SORCS1: variants seen among roughly 807,000 people sequenced by gnomAD.
SORCS1 encodes the protein VPS10 domain-containing receptor SorCS1.
In SORCS1, 60 loss-of-function variants were observed where a neutral mutation model predicts 146.1. The observed-to-expected ratio is 0.41, with a 90% CI of 0.33 to 0.51. SORCS1 has a LOEUF of 0.51. Among genes scored for constraint, SORCS1 ranks in the 20% least tolerant of loss-of-function variants. The pLI is 0.21. For synonymous variants in SORCS1, 637 were observed against 584.0 expected, an observed-to-expected ratio of 1.09 and a Z score of -1.31; for missense variants, 1,352 against 1,487.6, an observed-to-expected ratio of 0.91 and a Z score of 1.50.
chr10:106,758,377 T>C (rs912366185), intron 5 of SORCS1, among the ~76,000 whole-genome samples: 1 of 152,188 alleles, frequency 6.6e-6, no homozygotes, highest in African/African-American at 2.4e-5. Flanking sequence ...TATTTTTCAT[T>C]GTTTCTATTG....
At chr10:106,861,127 G>A (rs1949997445) in intron 2 of SORCS1, among the ~76,000 whole-genome samples, 1 of 152,194 alleles carries the variant, frequency 6.6e-6, no homozygotes, top group Admixed American at 6.5e-5. Flanking sequence ...GCCAGGTGCA[G>A]TGGCTCATGC....
At chr10:106,998,295 C>T (rs1408168679) in intron 1 of SORCS1, among the ~76,000 whole-genome samples, 1 of 152,196 alleles carries the variant, frequency 6.6e-6, no homozygotes, top group Non-Finnish European at 1.5e-5. Context: ...GTCAAAATAA[C>T]AGCACTCATA....
chr10:106,807,668 T>C (rs919142549), intron 3 of SORCS1, among the ~76,000 whole-genome samples: 22 of 152,256 alleles, frequency 1.4e-4, no homozygotes, highest in African/African-American at 5.1e-4. Context: ...TGCAAGTAAT[T>C]GCATTCCACC....
the SORCS1 span, among the ~76,000 whole-genome samples, chr10:107,173,776 G>A: frequency 6.6e-6 from 1 of 152,116 alleles, no homozygotes; most frequent in Non-Finnish European, 1.5e-5. Context: ...AATGAACTCA[G>A]CACCATTAAT....
chr10:106,643,013 G>T (rs537060790), intron 18 of SORCS1, among the ~76,000 whole-genome samples: 46 of 152,306 alleles, frequency 3.0e-4, no homozygotes, highest in Middle Eastern at 3.4e-3. Context: ...CCAGCCGTGG[G>T]TTTCTACAGA....
At chr10:107,004,517 G>A (rs190961924) in intron 1 of SORCS1, among the ~76,000 whole-genome samples, 4 of 152,192 alleles carry the variant, frequency 2.6e-5, no homozygotes, top group Admixed American at 1.3e-4. Flanking sequence ...ACAAGATCTC[G>A]AGACTTATTC....
intron 1 of SORCS1, among the ~76,000 whole-genome samples, chr10:107,147,328 T>C (rs1361547183): frequency 6.6e-6 from 1 of 152,202 alleles, no homozygotes; most frequent in Non-Finnish European, 1.5e-5. Context: ...AGCAGGAAGC[T>C]ATTTTCTCCC....
rs1424917035 is a variant in SORCS1, at chr10:106,849,575, C to T, written c.627-19902G>A. 1.8e-3 allele frequency among the ~76,000 whole-genome samples: 272 copies of T among 151,452 alleles called. 1 individual carries two copies. The highest frequency in any genetic ancestry group is 6.0e-3 in the African/African-American group (247 of 41,156). On this transcript the variant is annotated intron_variant, in intron 2 of 25. Coordinates refer to ENST00000263054, the MANE Select transcript of SORCS1 (RefSeq NM_052918.5). ...AGTAATTTGATCGTCTGAAGCCTTC[C>T]TCTCTCAGCTCGTCAAAATCATTCT...
intron 2 of SORCS1, among the ~76,000 whole-genome samples, chr10:106,908,233 T>A (rs1290812668): frequency 6.6e-6 from 1 of 152,198 alleles, no homozygotes; most frequent in Non-Finnish European, 1.5e-5. Flanking sequence ...GGGTAACAGT[T>A]CCACGGGTTA....
At chr10:106,790,250 C>T (rs543386561) in intron 3 of SORCS1, among the ~76,000 whole-genome samples, 1 of 152,206 alleles carries the variant, frequency 6.6e-6, no homozygotes, top group Admixed American at 6.5e-5. Context: ...GACTTAATTC[C>T]TTCAATTTGT....
chr10:106,978,492 A>C (rs1956125848), intron 1 of SORCS1, among the ~76,000 whole-genome samples: 1 of 152,144 alleles, frequency 6.6e-6, no homozygotes, highest in Non-Finnish European at 1.5e-5. Flanking sequence ...GCAAGTATTA[A>C]AGTTTTTCTT....
intron 5 of SORCS1, among the ~76,000 whole-genome samples, chr10:106,736,783 C>T (rs1856978577): frequency 6.6e-6 from 1 of 152,164 alleles, no homozygotes; most frequent in East Asian, 1.9e-4. Flanking sequence ...CTGCTTTCTG[C>T]TTTTATTCCT....
rs189412575 is a variant in SORCS1, at chr10:106,979,778, C to A, written c.559-23198G>T. Among the ~76,000 whole-genome samples the A allele has an allele frequency of 7.9e-5, 12 of 152,258 alleles. No homozygotes were observed. The East Asian group carries it at 2.1e-3, about 27-fold the overall frequency. ...TTGTTTAGGCTGATTTCAATGAATA[C>A]GCTATGGAGTCAGACTGCCAGGCTG... On this transcript the variant is annotated intron_variant, in intron 1 of 25. Coordinates refer to ENST00000263054, the MANE Select transcript of SORCS1 (RefSeq NM_052918.5).
intron 1 of SORCS1, among the ~76,000 whole-genome samples, chr10:107,081,788 TC>T: frequency 6.6e-6 from 1 of 152,194 alleles, no homozygotes; most frequent in Non-Finnish European, 1.5e-5. Context: ...AATTGGCCCT[TC>T]CTCTGGCTAT....
At chr10:107,086,328 T>C (rs1164733427) in intron 1 of SORCS1, among the ~76,000 whole-genome samples, 1 of 152,240 alleles carries the variant, frequency 6.6e-6, no homozygotes. Context: ...TGGATTATTT[T>C]GGGAGGTTGG....
chr10:107,111,246 T>C (rs1192754814), intron 1 of SORCS1, among the ~76,000 whole-genome samples: 1 of 152,100 alleles, frequency 6.6e-6, no homozygotes, highest in African/African-American at 2.4e-5. Context: ...TCTACAAATT[T>C]CCTTAAAAAA....
chr10:107,031,498 T>G (rs1371088893), intron 1 of SORCS1, among the ~76,000 whole-genome samples: 1 of 152,160 alleles, frequency 6.6e-6, no homozygotes, highest in East Asian at 1.9e-4. Context: ...CCATTCTTAT[T>G]GAAAAAGACT....
At position 106,722,134 on chromosome 10, in the gene SORCS1, C is replaced by CACAT. The variant is rs1158971033; in HGVS notation, c.1024+7915_1024+7916insATGT. 2.4e-3 allele frequency among the ~76,000 whole-genome samples: 357 copies of CACAT among 151,524 alleles called. 3 individuals carry two copies. Among genetic ancestry groups the CACAT allele is most frequent in the African/African-American group, 8.3e-3 (345 of 41,318 alleles). ...AAATATATAAATACACACACACACA[C>CACAT]ACACACACACACACATATATATATA... On this transcript the variant is annotated intron_variant, in intron 6 of 25. Transcript: ENST00000263054.
At chr10:106,848,747 T>C (rs1319386211) in intron 2 of SORCS1, among the ~76,000 whole-genome samples, 20 of 144,160 alleles carry the variant, frequency 1.4e-4, no homozygotes, top group Non-Finnish European at 1.5e-4. Context: ...CCATGTTTAG[T>C]GCTTCCTTCA....
Sources: gnomAD v4.1 joint callset for allele counts (sites outside exome capture counted in the v4.1 genomes callset) on GRCh38, gnomAD v4.1.1 for gene constraint, MANE v1.5 for transcripts, NCBI Gene and HGNC (gene_info 2026-07-23, HGNC 2026-07-21) for gene names.